Variants in PCDHA10 observed in about 807,000 individuals in gnomAD.
PCDHA10 encodes the protein protocadherin alpha-10.
PCDHA10 carries 45 observed loss-of-function variants against 61.2 expected under a neutral mutation model. That is an observed-to-expected ratio of 0.74 (90% CI 0.58 to 0.94). PCDHA10 has a LOEUF of 0.94. PCDHA10 is among the 40% of genes least tolerant of loss of function. The pLI is 0.00. For missense variants in PCDHA10, 1,278 were observed against 1,236.2 expected (o/e 1.03, Z -0.51); for synonymous variants, 602 against 548.8 (o/e 1.10, Z -1.35).
intron 1 of PCDHA10, among the ~76,000 whole-genome samples, chr5:140,964,060 G>A (rs1187796756): frequency 6.6e-6 from 1 of 152,200 alleles, no homozygotes; most frequent in Non-Finnish European, 1.5e-5. Context: ...GTGTGGTCAA[G>A]GCATTAGTGT....
chr5:140,966,946 C>G (rs377699694), intron 1 of PCDHA10: 3 of 1,603,368 alleles, frequency 1.9e-6, no homozygotes, highest in African/African-American at 2.7e-5. Context: ...TCGTGGGCAA[C>G]GTGGCTCGCG....
chr5:140,967,119 T>C lies in PCDHA10; in HGVS notation c.2389-11830T>C, dbSNP rs374670692. 97 of 1,612,790 alleles carry C rather than the reference T, an allele frequency of 6.0e-5. No homozygotes were observed. The highest frequency in any genetic ancestry group is 8.1e-5 in the Non-Finnish European group (95 of 1,179,410). The stretch of plus-strand genomic sequence containing the variant: ...CTGTGTGAGCAGCGGCCTCGCTGCC[T>C]GCTCAGCTTGGAAGTGCTGGCGCAC... On this transcript the variant is annotated intron_variant, in intron 1 of 3. Transcript: ENST00000307360.
intron 1 of PCDHA10, chr5:140,929,483 G>A: frequency 8.4e-7 from 1 of 1,192,950 alleles, no homozygotes; most frequent in Non-Finnish European, 1.1e-6. Context: ...AAGTATAGAA[G>A]TATTAGAAGA....
At chr5:140,924,767 C>T (rs782265529) in intron 1 of PCDHA10, among the ~76,000 whole-genome samples, 3 of 151,618 alleles carry the variant, frequency 2.0e-5, no homozygotes, top group South Asian at 2.1e-4. Flanking sequence ...TGGTGGTGCG[C>T]GCTTGTAGTC....
At chr5:140,979,966 A>G (rs1029035910) in intron 2 of PCDHA10, among the ~76,000 whole-genome samples, 7 of 152,258 alleles carry the variant, frequency 4.6e-5, no homozygotes, top group Non-Finnish European at 7.3e-5. Context: ...TTAGCCCATT[A>G]AAATGCATTA....
intron 1 of PCDHA10, among the ~76,000 whole-genome samples, chr5:140,940,219 T>C (rs1554213221): frequency 6.6e-6 from 1 of 152,180 alleles, no homozygotes; most frequent in Non-Finnish European, 1.5e-5. Context: ...TTGGCATTTA[T>C]TTCATTTTGG....
intron 1 of PCDHA10, chr5:140,863,128 C>G (rs555226712): frequency 3.3e-6 from 2 of 598,142 alleles, no homozygotes; most frequent in East Asian, 8.9e-5. Context: ...TACGCGCCAC[C>G]GCCTGCTGGT....
rs1299292999 is a variant in PCDHA10, at chr5:140,940,635, T to G, written c.2389-38314T>G. Among the ~76,000 whole-genome samples the G allele has an allele frequency of 5.3e-5, 8 of 152,214 alleles. 1 individual carries two copies. The highest frequency in any genetic ancestry group is 5.2e-4 in the Admixed American group (8 of 15,286). On this transcript the variant is annotated intron_variant, in intron 1 of 3. Coordinates refer to ENST00000307360, the MANE Select transcript of PCDHA10 (RefSeq NM_018901.4). ...GCTCCTGCAAATATTCTTAAGCTTG[T>G]CATTTATTTATTTAAATATATTAAA...
chr5:140,928,007 ATGG>A (rs1183344805), intron 1 of PCDHA10: 2 of 1,613,998 alleles, frequency 1.2e-6, no homozygotes, highest in Non-Finnish European at 1.7e-6. Context: ...CTCGATTCTA[ATGG>A]TAGGGTCATT....
intron 1 of PCDHA10, among the ~76,000 whole-genome samples, chr5:140,892,327 C>T (rs1399330185): frequency 6.6e-6 from 1 of 152,154 alleles, no homozygotes; most frequent in Non-Finnish European, 1.5e-5. Flanking sequence ...TTTCTTTCTC[C>T]AGAATGGATT....
At chr5:140,871,204 A>G in intron 1 of PCDHA10, 1 of 1,613,764 alleles carries the variant, frequency 6.2e-7, no homozygotes, top group Non-Finnish European at 8.5e-7. Context: ...GTACCTGATC[A>G]TCGCCATCTG....
chr5:140,879,337 G>A (rs251379), intron 1 of PCDHA10, among the ~76,000 whole-genome samples: 101,683 of 152,024 alleles, frequency 0.67, 34,216 homozygotes, highest in Middle Eastern at 0.71. Flanking sequence ...AGTTTGTTCA[G>A]CTGAGAAGAT....
In PCDHA10 at chr5:140,855,950, C is replaced by A; in HGVS notation, c.-99C>A. Reference sequence around the variant, plus strand: ...CGTCATTCTGAGATCTCAGCCATTTCGATAAAAAATAGATATAAGAAATAG... The same window carrying A: ...CGTCATTCTGAGATCTCAGCCATTTAGATAAAAAATAGATATAAGAAATAG... On this transcript the variant is annotated 5_prime_UTR_variant, in exon 1 of 4. Coordinates refer to ENST00000307360, the MANE Select transcript of PCDHA10 (RefSeq NM_018901.4). 7.3e-7 allele frequency: 1 copy of A among 1,363,922 alleles called. No individual in the cohort carries two copies. The highest frequency in any genetic ancestry group is 1.0e-6 in the Non-Finnish European group (1 of 998,042). The allele number at this position is 1,363,922 out of a possible 1,614,324, so 84.5% of individuals were successfully genotyped here.
rs148102793 is a variant in PCDHA10 at position 140,873,087 on chromosome 5, G to A, written c.2388+14651G>A. Among the ~76,000 whole-genome samples, 818 of 152,138 alleles carry A rather than the reference G, an allele frequency of 5.4e-3. 4 individuals carry two copies. Among genetic ancestry groups the A allele is most frequent in the Middle Eastern group, 0.014 (4 of 294 alleles). On this transcript the variant is annotated intron_variant, in intron 1 of 3. Coordinates refer to ENST00000307360, the MANE Select transcript of PCDHA10 (RefSeq NM_018901.4). ...AATCATATCTAGCTATTTCCCCCCC[G>A]TATAGAGGCATAACATACCATTTGG...
chr5:140,975,201 A>G (rs1253516142), intron 1 of PCDHA10, among the ~76,000 whole-genome samples: 1 of 152,144 alleles, frequency 6.6e-6, no homozygotes, highest in Non-Finnish European at 1.5e-5. Context: ...CTCCATCTTC[A>G]TGGCTGGCAC....
chr5:140,873,929 G>C (rs1457405512), intron 1 of PCDHA10, among the ~76,000 whole-genome samples: 3 of 152,138 alleles, frequency 2.0e-5, no homozygotes, highest in African/African-American at 7.2e-5. Flanking sequence ...CCAAAGTGCT[G>C]GGATTACAGG....
At chr5:140,944,792 G>C (rs1411963111) in intron 1 of PCDHA10, among the ~76,000 whole-genome samples, 3 of 152,138 alleles carry the variant, frequency 2.0e-5, no homozygotes, top group African/African-American at 7.2e-5. Context: ...TATTTTACAA[G>C]TCTGTCGAGG....
intron 1 of PCDHA10, chr5:140,869,054 T>C: frequency 6.5e-7 from 1 of 1,545,104 alleles, no homozygotes; most frequent in African/African-American, 1.4e-5. Context: ...CTGAAGAATC[T>C]GGTACTGTAA....
chr5:140,883,937 G>C, intron 1 of PCDHA10: 3 of 1,613,414 alleles, frequency 1.9e-6, no homozygotes, highest in Non-Finnish European at 2.5e-6. Context: ...GTTCGTGCTG[G>C]ACGAGAACGA....
Sources: allele counts gnomAD v4.1 joint callset (sites outside exome capture counted in the v4.1 genomes callset), GRCh38; gene constraint gnomAD v4.1.1; transcripts MANE v1.5; gene names NCBI Gene and HGNC (gene_info 2026-07-23, HGNC 2026-07-21).